Variants in URB1 observed in about 807,000 individuals in gnomAD.
The protein encoded by URB1 is nucleolar pre-ribosomal-associated protein 1.
Under a neutral mutation model 242.3 loss-of-function variants are expected in URB1, and 197 were observed. That is an observed-to-expected ratio of 0.81 (90% CI 0.72 to 0.91). The LOEUF (loss-of-function observed/expected upper bound fraction) is 0.91. Ranked by LOEUF, URB1 falls within the 40% of genes least tolerant of loss-of-function variation. The pLI, the probability that URB1 is intolerant of heterozygous loss-of-function variation, is 0.00. For missense variants in URB1, 2,721 were observed against 2,860.5 expected (o/e 0.95, Z 1.11); for synonymous variants, 1,153 against 1,201.8 (o/e 0.96, Z 0.84).
rs1431357604 is a variant in URB1, at chr21:32,372,554, G to C, written c.954C>G (p.Leu318=). 1 of 1,551,634 alleles carries C rather than the reference G, an allele frequency of 6.4e-7. No homozygotes were observed. ...CATCGTAAAAATTAATTCCATGCTT[G>C]AGTGAACAGCAAAGATCCATCAGGA... The part of the protein sequence containing the change: ...HNFLMDLCCS[L]KHGINFYDAS... The change falls in exon 8 of 39, where the codon CTC becomes CTG. Residue 318 remains leucine (L), a synonymous_variant. Coordinates refer to ENST00000382751, the MANE Select transcript of URB1 (RefSeq NM_014825.3).
At chr21:32,343,581 G>C (rs1002854601) in intron 24 of URB1, among the ~76,000 whole-genome samples, 1 of 152,158 alleles carries the variant, frequency 6.6e-6, no homozygotes, top group African/African-American at 2.4e-5. Flanking sequence ...AATCTTCTTG[G>C]ATAGGAATGT....
At position 32,312,172 on chromosome 21, in the gene URB1, G is replaced by A. The variant is rs1383948537; in HGVS notation, c.*2746C>T. On this transcript the variant is annotated 3_prime_UTR_variant, in exon 39 of 39. Transcript: ENST00000382751. ...GACAAAGATTGCAGTGGCCCCTCGAGTGCAGAGGTCATCCCAGGTGTTGCT... is the reference window on the plus strand; with the variant it reads ...GACAAAGATTGCAGTGGCCCCTCGAATGCAGAGGTCATCCCAGGTGTTGCT... 3 of 1,512,522 alleles carry A rather than the reference G, an allele frequency of 2.0e-6. No homozygotes were observed. Among genetic ancestry groups the A allele is most frequent in the Non-Finnish European group, 2.6e-6 (3 of 1,134,290 alleles). The allele number at this position is 1,512,522 out of a possible 1,614,324, so 93.7% of individuals were successfully genotyped here. A position where few individuals can be genotyped will look rare whatever the true frequency, so the allele number is the denominator to read the frequency against.
intron 3 of URB1, among the ~76,000 whole-genome samples, chr21:32,383,871 G>C (rs2146054403): frequency 6.6e-6 from 1 of 152,300 alleles, no homozygotes; most frequent in Non-Finnish European, 1.5e-5. Context: ...AGAATACAGA[G>C]GACGACTTCT....
At chr21:32,388,033 T>C (rs2033601374) in intron 1 of URB1, among the ~76,000 whole-genome samples, 1 of 152,218 alleles carries the variant, frequency 6.6e-6, no homozygotes, top group African/African-American at 2.4e-5. Flanking sequence ...TGCTTCCTCT[T>C]GGACAGCAAT....
Position 32,321,949 on chromosome 21 carries a change from A to G in URB1, c.5341-5T>C, listed in dbSNP as rs2032772629. 2 of 1,550,872 alleles carry G rather than the reference A, an allele frequency of 1.3e-6. No homozygotes were observed. Among genetic ancestry groups the G allele is most frequent in the East Asian group, 4.9e-5 (2 of 40,892 alleles). ...CCACTTCTGCTCTGTTTTTTGCTAT[A>G]ACCCAGGCACACAAAAAACTGTTGT... is the stretch of plus-strand genomic sequence containing the variant. On this transcript the variant is annotated splice_region_variant and splice_polypyrimidine_tract_variant and intron_variant, in intron 33 of 38. Coordinates refer to ENST00000382751, the MANE Select transcript of URB1 (RefSeq NM_014825.3).
chr21:32,378,497 G>T lies in URB1; in HGVS notation c.612C>A (p.Ser204=), dbSNP rs2033484995. Residue 204 remains serine (S), a synonymous_variant, in exon 5 of 39, where the codon TCC becomes TCA. Coordinates refer to ENST00000382751, the MANE Select transcript of URB1 (RefSeq NM_014825.3). ...TGCTGTCATCACCCGCAATTAAAAAGGAGAGAGCAAACTGAACGTAGGCCT... is the reference window on the plus strand; with the variant it reads ...TGCTGTCATCACCCGCAATTAAAAATGAGAGAGCAAACTGAACGTAGGCCT... ...VRQAYVQFAL[S]FLIAGDDSTI... The T allele has an allele frequency of 3.2e-6, 5 of 1,551,706 alleles. No homozygotes were observed. Among genetic ancestry groups the T allele is most frequent in the Non-Finnish European group, 4.4e-6 (5 of 1,147,006 alleles).
rs75095000 is a variant in URB1 at position 32,370,952 on chromosome 21, C to T, written c.1001+1555G>A. ...TAGGGACTGGAGGCCCATAATAGAC[C>T]AGCGCCCGTTCTCACCACTTCTCAC... On this transcript the variant is annotated intron_variant, in intron 8 of 38. Coordinates refer to ENST00000382751, the MANE Select transcript of URB1 (RefSeq NM_014825.3). 9.2e-5 allele frequency among the ~76,000 whole-genome samples: 14 copies of T among 152,286 alleles called. No individual in the cohort carries two copies. The South Asian group carries it at 2.9e-3, about 32-fold the overall frequency.
In URB1 at chr21:32,347,716, G is replaced by C; in HGVS notation, c.3108C>G (p.Leu1036=). Residue 1036 remains leucine (L), a synonymous_variant, in exon 22 of 39, where the codon CTC becomes CTG. Coordinates refer to ENST00000382751, the MANE Select transcript of URB1 (RefSeq NM_014825.3). The part of the protein sequence containing the change: ...LEQQALPPHT[L]SPVLVKLLAT... ...CCAGGAGCTTCACGAGGACAGGGCT[G>C]AGCGTGTGCGGCGGGAGGGCCTGCT... The C allele has an allele frequency of 6.4e-7, 1 of 1,550,896 alleles. No individual in the cohort carries two copies. The highest frequency in any genetic ancestry group is 8.7e-7 in the Non-Finnish European group (1 of 1,146,994).
chr21:32,339,290 G>C (rs540583837), intron 25 of URB1, among the ~76,000 whole-genome samples: 16 of 151,536 alleles, frequency 1.1e-4, no homozygotes, highest in Non-Finnish European at 2.2e-4. Context: ...CACTGCGCCC[G>C]GCCATTTTCT....
At chr21:32,333,941 C>T (rs2032925092) in intron 29 of URB1, among the ~76,000 whole-genome samples, 1 of 152,168 alleles carries the variant, frequency 6.6e-6, no homozygotes, top group Admixed American at 6.5e-5. Context: ...TCCTTGGGGG[C>T]AGGGGAACAG....
Position 32,313,226 on chromosome 21 carries a change from C to G in URB1, c.*1692G>C, listed in dbSNP as rs1473761154. The G allele has an allele frequency of 6.6e-6, 1 of 152,268 alleles. No homozygotes were observed. The highest frequency in any genetic ancestry group is 1.5e-5 in the Non-Finnish European group (1 of 68,100). 9.4% of individuals were successfully genotyped at this position (152,268 alleles called of 1,614,324 possible). A position where few individuals can be genotyped will look rare whatever the true frequency, so the allele number is the denominator to read the frequency against. On this transcript the variant is annotated 3_prime_UTR_variant, in exon 39 of 39. Coordinates refer to ENST00000382751, the MANE Select transcript of URB1 (RefSeq NM_014825.3). ...CCACCCCACCTGCTCGCTGCCCCTC[C>G]CTGTGCCCCCAGAGGCATGGGGTTC... is the stretch of plus-strand genomic sequence containing the variant.
At chr21:32,386,374 G>A (rs1200922691) in intron 1 of URB1, among the ~76,000 whole-genome samples, 2 of 152,188 alleles carry the variant, frequency 1.3e-5, no homozygotes, top group Non-Finnish European at 2.9e-5. Flanking sequence ...GCAGTTGTCT[G>A]CAAGCCAGGA....
chr21:32,382,109 G>A (rs116427745), intron 4 of URB1, among the ~76,000 whole-genome samples: 1,950 of 152,248 alleles, frequency 0.013, 57 homozygotes, highest in African/African-American at 0.043. Flanking sequence ...GCTTCAGGAC[G>A]GGAAGCCCTT....
chr21:32,345,291 G>C (rs1306411104), intron 23 of URB1, 83 bp downstream of exon 23: 43 of 1,436,688 alleles, frequency 3.0e-5, no homozygotes, highest in Admixed American at 2.0e-5. Flanking sequence ...TAATGCAGCA[G>C]TTTTTCAATG....
intron 30 of URB1, among the ~76,000 whole-genome samples, chr21:32,332,261 G>C (rs1046872202): frequency 1.3e-5 from 2 of 152,082 alleles, no homozygotes; most frequent in East Asian, 3.9e-4. Context: ...GGAGTAGACA[G>C]AGTTCTTAGA....
chr21:32,329,677 A>C (rs2032871435), intron 30 of URB1, among the ~76,000 whole-genome samples: 1 of 152,244 alleles, frequency 6.6e-6, no homozygotes, highest in Admixed American at 6.5e-5. Flanking sequence ...CAAAGGGCTG[A>C]AAACGGAGCA....
chr21:32,373,644 C>T lies in URB1; in HGVS notation c.876+3G>A. On this transcript the variant is annotated splice_donor_region_variant and intron_variant, in intron 7 of 38. Coordinates refer to ENST00000382751, the MANE Select transcript of URB1 (RefSeq NM_014825.3). Reference sequence around the variant, plus strand: ...GTCAACGAAAACCAAAAAGTGTCTGCACCTTGACATTTTCTGGGTTCACAT... The same window carrying T: ...GTCAACGAAAACCAAAAAGTGTCTGTACCTTGACATTTTCTGGGTTCACAT... 2 of 1,535,554 alleles carry T rather than the reference C, an allele frequency of 1.3e-6. No individual in the cohort carries two copies. Among genetic ancestry groups the T allele is most frequent in the African/African-American group, 1.4e-5 (1 of 72,032 alleles).
At chr21:32,328,260 C>T (rs996133306) in intron 30 of URB1, among the ~76,000 whole-genome samples, 5 of 152,198 alleles carry the variant, frequency 3.3e-5, no homozygotes, top group African/African-American at 1.2e-4. Context: ...GCCTCAGCCT[C>T]CTGAGTAGCT....
intron 5 of URB1, 23 bp from the exon 6 acceptor site, chr21:32,375,506 A>T: frequency 7.3e-7 from 1 of 1,375,956 alleles, no homozygotes; most frequent in East Asian, 2.6e-5. Context: ...GTTTCAAAGC[A>T]TTAAATTCAA....
Sources: gnomAD v4.1 joint callset for allele counts (sites outside exome capture counted in the v4.1 genomes callset) on GRCh38, gnomAD v4.1.1 for gene constraint, MANE v1.5 for transcripts, NCBI Gene and HGNC (gene_info 2026-07-23, HGNC 2026-07-21) for gene names.